The following TNS1 variants were observed in gnomAD, a reference collection of about 807,000 sequenced individuals.
TNS1 encodes tensin 1.
Under a neutral mutation model 168.6 loss-of-function variants are expected in TNS1, and 62 were observed. That is an observed-to-expected ratio of 0.37 (90% confidence interval 0.30 to 0.45). TNS1 has a LOEUF of 0.45. TNS1 is among the 20% of genes least tolerant of loss of function. The probability of loss-of-function intolerance (pLI) is 1.00; values close to 1 mark genes in which losing one functional copy is unlikely to be tolerated. For missense variants in TNS1, 2,240 were observed against 2,339.4 expected (o/e 0.96, Z 0.88); for synonymous variants, 934 against 933.2 (o/e 1.00, Z -0.02).
chr2:217,804,112 AAGG>A lies in TNS1; in HGVS notation c.*344_*346del, dbSNP rs1937929660. ...ATTCCCCCAAAAAATGTGGATTCCC[AAGG>A]AGGTTTGTTCCTTCTCTTTTGAGGA... On this transcript the variant is annotated 3_prime_UTR_variant, in exon 33 of 33. Coordinates refer to ENST00000682258, the MANE Select transcript of TNS1 (RefSeq NM_001387777.1). 1 of 190,656 alleles carries A rather than the reference AAGG, an allele frequency of 5.2e-6. No individual in the cohort carries two copies. The highest frequency in any genetic ancestry group is 1.3e-4 in the East Asian group (1 of 7,784). The allele number at this position is 190,656 out of a possible 1,614,324, so 11.8% of individuals were successfully genotyped here.
chr2:217,977,286 G>A (rs1158100596), intron 3 of TNS1, among the ~76,000 whole-genome samples: 4 of 152,174 alleles, frequency 2.6e-5, no homozygotes, highest in African/African-American at 9.7e-5. Flanking sequence ...TCCATCCAGG[G>A]GAGGAAAGGC....
At chr2:217,982,324 C>G (rs1179628067) in intron 2 of TNS1, among the ~76,000 whole-genome samples, 1 of 152,146 alleles carries the variant, frequency 6.6e-6, no homozygotes, top group Non-Finnish European at 1.5e-5. Flanking sequence ...AACCACCCAG[C>G]CAAGTCACTC....
intron 4 of TNS1, among the ~76,000 whole-genome samples, chr2:217,917,272 C>T (rs557159439): frequency 7.9e-5 from 12 of 152,264 alleles, no homozygotes; most frequent in East Asian, 1.9e-4. Context: ...TGCCAGACAT[C>T]GGGCTGAATG....
At chr2:217,920,101 T>A in intron 4 of TNS1, 94 bp downstream of exon 4, 1 of 701,156 alleles carries the variant, frequency 1.4e-6, no homozygotes, top group Non-Finnish European at 2.6e-6. Flanking sequence ...GACACCCCAG[T>A]TACCAACATA....
rs1230050588 is a variant in TNS1, at chr2:217,813,347, A to G, written c.4862-40T>C. On this transcript the variant is annotated intron_variant, in intron 26 of 32. Transcript: ENST00000682258. This position sits in a 1 kb window ranked among gnomAD's most constrained non-coding sequence, Gnocchi z 4.0. ...AAGAAATAAGGCTCAGTCCCTGCCC[A>G]TGGCTTCCTCCCACCACCTCCCAAG... 1 of 1,477,712 alleles carries G rather than the reference A, an allele frequency of 6.8e-7. No individual in the cohort carries two copies. Among genetic ancestry groups the G allele is most frequent in the Non-Finnish European group, 9.3e-7 (1 of 1,078,332 alleles). 91.5% of individuals were successfully genotyped at this position (1,477,712 alleles called of 1,614,324 possible). A position where few individuals can be genotyped will look rare whatever the true frequency, so the allele number is the denominator to read the frequency against.
chr2:218,027,512 CAA>C lies in TNS1; in HGVS notation c.156+6306_156+6307del, dbSNP rs555599639. Among the ~76,000 whole-genome samples the C allele has an allele frequency of 1.2e-4, 18 of 152,122 alleles. No homozygotes were observed. The East Asian group carries it at 3.5e-3, about 30-fold the overall frequency. ...CTGCTGAAACTTTTAAGAACTTGTT[CAA>C]AGTGTCGCCTCCTCTGGGAGGGCTT... On this transcript the variant is annotated intron_variant, in intron 1 of 1. Transcript: ENST00000649572.
intron 1 of TNS1, among the ~76,000 whole-genome samples, chr2:218,001,345 G>A (rs1194542702): frequency 1.3e-5 from 2 of 151,990 alleles, no homozygotes; most frequent in Non-Finnish European, 2.9e-5. Flanking sequence ...CTGTTTCTCT[G>A]CAATCCTCAT....
At chr2:217,876,971 G>A (rs2125624084) in intron 18 of TNS1, among the ~76,000 whole-genome samples, 1 of 152,272 alleles carries the variant, frequency 6.6e-6, no homozygotes, top group South Asian at 2.1e-4. Context: ...TAATACTTCA[G>A]GCATGGGATT....
At chr2:217,931,790 T>C (rs1956336714) in intron 3 of TNS1, among the ~76,000 whole-genome samples, 1 of 152,202 alleles carries the variant, frequency 6.6e-6, no homozygotes, top group Non-Finnish European at 1.5e-5. Flanking sequence ...CTAAGGTGCA[T>C]TCCATTTTCG....
rs1193238548 is a variant in TNS1 at position 218,002,887 on chromosome 2, G to A, written c.-15C>T. 4 of 456,692 alleles carry A rather than the reference G, an allele frequency of 8.8e-6. No individual in the cohort carries two copies. The highest frequency in any genetic ancestry group is 2.3e-5 in the Admixed American group (1 of 42,554). 28.3% of individuals were successfully genotyped at this position (456,692 alleles called of 1,614,324 possible). ...ATCCACGTCATCTTTGCTGGGTCCC[G>A]TCACTGAGGCACGCCCAGGGCCTGT... On this transcript the variant is annotated 5_prime_UTR_variant, in exon 1 of 33. It adds an upstream start codon to the 5' untranslated region. Coordinates refer to ENST00000682258, the MANE Select transcript of TNS1 (RefSeq NM_001387777.1).
At position 217,802,354 on chromosome 2, in the gene TNS1, C is replaced by G. The variant is rs1937598507; in HGVS notation, c.*2105G>C. ...CACCTTCTGCAGACACCCTCCTTTC[C>G]AACTCCCTGAAACAGAACGTCCACA... On this transcript the variant is annotated 3_prime_UTR_variant, in exon 33 of 33. Transcript: ENST00000682258. 6.6e-6 allele frequency: 1 copy of G among 152,266 alleles called. No individual in the cohort carries two copies. The highest frequency in any genetic ancestry group is 1.5e-5 in the Non-Finnish European group (1 of 68,060). 9.4% of individuals were successfully genotyped at this position (152,266 alleles called of 1,614,324 possible). A position where few individuals can be genotyped will look rare whatever the true frequency, so the allele number is the denominator to read the frequency against.
At chr2:217,807,977 C>T in intron 32 of TNS1, 98 bp downstream of exon 32, 2 of 1,448,600 alleles carry the variant, frequency 1.4e-6, no homozygotes, top group Admixed American at 1.8e-5. Context: ...GCTGCTCTTT[C>T]CCTACCCCCA....
chr2:217,901,839 G>C (rs534791166), intron 6 of TNS1: 7 of 152,412 alleles, frequency 4.6e-5, no homozygotes, highest in Admixed American at 3.9e-4. Flanking sequence ...AGGCAGGATA[G>C]GTGGGTTCCG....
At position 217,997,327 on chromosome 2, in the gene TNS1, C is replaced by T. The variant is rs144395008; in HGVS notation, c.33+5513G>A. Among the ~76,000 whole-genome samples, 592 of 152,194 alleles carry T rather than the reference C, an allele frequency of 3.9e-3. 3 individuals are homozygous for T. Among genetic ancestry groups the T allele is most frequent in the African/African-American group, 0.013 (544 of 41,516 alleles). ...CTGCCCCAAGAATGTCCATGAGAGC[C>T]GGGGCATTGTTTTCGTTTTCATTTT... On this transcript the variant is annotated intron_variant, in intron 1 of 32. Transcript: ENST00000682258.
At chr2:217,877,902 C>G (rs1348668899) in intron 18 of TNS1, among the ~76,000 whole-genome samples, 2 of 152,176 alleles carry the variant, frequency 1.3e-5, no homozygotes, top group Admixed American at 1.3e-4. Flanking sequence ...TCCCTGCCCC[C>G]CTCCTCCAAG....
chr2:217,841,360 G>T, intron 19 of TNS1: 1 of 776,190 alleles, frequency 1.3e-6, no homozygotes, highest in Non-Finnish European at 1.6e-6. Flanking sequence ...GGGCAAGGCA[G>T]GCACCCCACC....
intron 1 of TNS1, among the ~76,000 whole-genome samples, chr2:217,993,832 AT>A (rs1469840684): frequency 2.6e-5 from 4 of 152,228 alleles, no homozygotes; most frequent in African/African-American, 9.6e-5. Flanking sequence ...TCAGGAAAGT[AT>A]TTAACGGTGG....
chr2:217,961,848 A>G (rs1957504446), intron 3 of TNS1, among the ~76,000 whole-genome samples: 1 of 152,190 alleles, frequency 6.6e-6, no homozygotes, highest in Non-Finnish European at 1.5e-5. Flanking sequence ...ACTCCAGTCT[A>G]CAGTCTACAG....
In TNS1 at chr2:217,832,166, T is replaced by G. The variant is rs1944526876; in HGVS notation, c.3281-619A>C. ...TTGAAAAGCCCAGGAGGAGAGAACT[T>G]CTCAATGTGGGGCTCTGTCCCCCCA... On this transcript the variant is annotated intron_variant, in intron 21 of 32. Transcript: ENST00000682258. 1.3e-5 allele frequency among the ~76,000 whole-genome samples: 2 copies of G among 152,058 alleles called. 1 individual carries two copies. The highest frequency in any genetic ancestry group is 4.2e-4 in the South Asian group (2 of 4,818).
Sources: allele counts gnomAD v4.1 joint callset (sites outside exome capture counted in the v4.1 genomes callset), GRCh38; gene constraint gnomAD v4.1.1; non-coding constraint Gnocchi (gnomAD v3.1); transcripts MANE v1.5; gene names NCBI Gene and HGNC (gene_info 2026-07-23, HGNC 2026-07-21).